The following PDE10A variants were observed in gnomAD, a reference collection of about 807,000 sequenced individuals.
PDE10A encodes phosphodiesterase 10A, also known as cAMP and cAMP-inhibited cGMP 3',5'-cyclic phosphodiesterase 10A.
PDE10A carries 39 observed loss-of-function variants against 97.7 expected under a neutral mutation model. The ratio of observed to expected loss-of-function variants is 0.40; its 90% CI spans 0.31 to 0.52. The LOEUF (loss-of-function observed/expected upper bound fraction) is 0.52, where lower values mean the gene tolerates loss of function less well. Ranked by LOEUF, PDE10A falls within the 20% of genes least tolerant of loss-of-function variation. The probability of loss-of-function intolerance (pLI) is 0.56; values close to 1 mark genes in which losing one functional copy is unlikely to be tolerated. For missense variants in PDE10A, 731 were observed against 1,047.8 expected (o/e 0.70, Z 4.17); for synonymous variants, 371 against 376.8 (o/e 0.98, Z 0.18).
At chr6:165,691,106 T>TCCCCCCCCCCCCCCTCTCTCTC (rs35264122) in intron 1 of PDE10A, among the ~76,000 whole-genome samples, 1 of 39,094 alleles carries the variant, frequency 2.6e-5, no homozygotes, top group African/African-American at 1.1e-4. Context: ...TCTTTCTCTC[T>TCCCCCCCCCCCCCCTCTCTCTC]CCCCCCCCCC....
intron 21 of PDE10A, among the ~76,000 whole-genome samples, chr6:165,333,362 G>A (rs1393500735): frequency 2.0e-5 from 3 of 152,168 alleles, no homozygotes; most frequent in African/African-American, 4.8e-5. Context: ...TCTGGACCGC[G>A]AAAGCAGCAG....
At chr6:165,628,594 T>C (rs1788492835) in intron 1 of PDE10A, among the ~76,000 whole-genome samples, 1 of 151,956 alleles carries the variant, frequency 6.6e-6, no homozygotes, top group Non-Finnish European at 1.5e-5. Context: ...TTCTCTTGCC[T>C]CAACCTCCCA....
At chr6:165,506,743 T>C (rs1481877262) in intron 2 of PDE10A, among the ~76,000 whole-genome samples, 61 of 152,148 alleles carry the variant, frequency 4.0e-4, no homozygotes, top group Admixed American at 3.9e-3. Flanking sequence ...ATAAAATGAT[T>C]CAACATATTC....
In PDE10A at chr6:165,792,614, G is replaced by A. The variant is rs1284081226; in HGVS notation, c.-615+194915C>T. ...TCCTCTCCTTGCCCCAGATTCCACCGGGTTCAGTCCTGGGTGACTCCTCCA... is the reference window on the plus strand; with the variant it reads ...TCCTCTCCTTGCCCCAGATTCCACCAGGTTCAGTCCTGGGTGACTCCTCCA... On this transcript the variant is annotated intron_variant, in intron 1 of 19. Coordinates refer to the PDE10A transcript ENST00000366882. 5.3e-5 allele frequency among the ~76,000 whole-genome samples: 8 copies of A among 152,060 alleles called. No homozygotes were observed. The South Asian group carries it at 1.2e-3, about 24-fold the overall frequency.
intron 1 of PDE10A, among the ~76,000 whole-genome samples, chr6:165,567,583 T>A (rs1186104500): frequency 1.3e-5 from 2 of 152,190 alleles, no homozygotes; most frequent in East Asian, 3.8e-4. Flanking sequence ...ACTTCTACTA[T>A]GAAACCCATT....
At chr6:165,943,222 AGAAAGAAAGAAAGAAGGAAGGAAG>A (rs1240136592) in intron 1 of PDE10A, among the ~76,000 whole-genome samples, 29 of 64,700 alleles carry the variant, frequency 4.5e-4, no homozygotes, top group South Asian at 9.6e-4. Flanking sequence ...AAAGAAAGAA[AGAAAGAAAGAAAGAAGGAAGGAAG>A]GAAGGAAGGA....
In PDE10A at chr6:165,708,796, G is replaced by A. The variant is rs562086785; in HGVS notation, c.-614-165228C>T. ...CCCCACTCTCCACCCACATGCTGCCGCGCTCTCCCCACACTCTCCACCCCC... is the reference window on the plus strand; with the variant it reads ...CCCCACTCTCCACCCACATGCTGCCACGCTCTCCCCACACTCTCCACCCCC... On this transcript the variant is annotated intron_variant, in intron 1 of 19. Coordinates refer to the PDE10A transcript ENST00000366882. Among the ~76,000 whole-genome samples the A allele has an allele frequency of 2.3e-3, 112 of 47,894 alleles. 1 individual carries two copies. Among genetic ancestry groups the A allele is most frequent in the African/African-American group, 9.3e-3 (98 of 10,544 alleles). The allele number at this position is 47,894 out of a possible 152,430, so 31.4% of individuals were successfully genotyped here.
chr6:165,902,746 T>C (rs1200963724), intron 1 of PDE10A, among the ~76,000 whole-genome samples: 1 of 152,146 alleles, frequency 6.6e-6, no homozygotes, highest in Non-Finnish European at 1.5e-5. Flanking sequence ...GGTATCAGCA[T>C]TGTTTCTGGG....
chr6:165,648,699 A>T (rs1789530145), intron 1 of PDE10A, among the ~76,000 whole-genome samples: 1 of 152,234 alleles, frequency 6.6e-6, no homozygotes, highest in Non-Finnish European at 1.5e-5. Context: ...TACAGGAAAA[A>T]AATGGACAGA....
intron 1 of PDE10A, among the ~76,000 whole-genome samples, chr6:165,744,458 T>C (rs1308300056): frequency 1.3e-5 from 2 of 152,232 alleles, no homozygotes; most frequent in Non-Finnish European, 2.9e-5. Flanking sequence ...GTTTGTATTA[T>C]TGGTGATATA....
At chr6:165,642,437 A>G (rs563441363) in intron 1 of PDE10A, among the ~76,000 whole-genome samples, 1 of 152,360 alleles carries the variant, frequency 6.6e-6, no homozygotes, top group Admixed American at 6.5e-5. Flanking sequence ...GGAGGGACAC[A>G]GCCACATTAA....
intron 3 of PDE10A, among the ~76,000 whole-genome samples, chr6:165,471,850 T>C (rs1157714432): frequency 6.6e-6 from 1 of 152,198 alleles, no homozygotes; most frequent in Non-Finnish European, 1.5e-5. Context: ...AATGAAAAAT[T>C]ATTTTAAAGC....
At chr6:165,378,329 G>A (rs486002) in intron 18 of PDE10A, among the ~76,000 whole-genome samples, 3 of 152,064 alleles carry the variant, frequency 2.0e-5, no homozygotes, top group African/African-American at 7.2e-5. Context: ...TTCAGCAAGA[G>A]TGGCAAAGAA....
At chr6:165,755,155 C>T (rs534895367) in intron 1 of PDE10A, among the ~76,000 whole-genome samples, 1 of 152,302 alleles carries the variant, frequency 6.6e-6, no homozygotes, top group South Asian at 2.1e-4. Flanking sequence ...GGAATTGGCA[C>T]CTAGCAGCCC....
intron 12 of PDE10A, among the ~76,000 whole-genome samples, chr6:165,414,900 A>AGTTG (rs1788198239): frequency 6.6e-6 from 1 of 152,204 alleles, no homozygotes; most frequent in East Asian, 1.9e-4. Flanking sequence ...GTCTCATGTC[A>AGTTG]ACTACATCTA....
At chr6:165,543,644 C>A in intron 1 of PDE10A, 76 bp from the exon 2 acceptor site, 1 of 1,190,806 alleles carries the variant, frequency 8.4e-7, no homozygotes, top group Admixed American at 2.3e-5. Context: ...TATCACAACA[C>A]ATTATGCTAA....
chr6:165,862,977 G>A (rs1780949369), intron 1 of PDE10A, among the ~76,000 whole-genome samples: 1 of 152,188 alleles, frequency 6.6e-6, no homozygotes. Flanking sequence ...ACCACACCCG[G>A]CCCAGTTGTA....
intron 5 of PDE10A, among the ~76,000 whole-genome samples, chr6:165,447,103 A>G (rs75259008): frequency 6.6e-6 from 1 of 152,298 alleles, no homozygotes; most frequent in South Asian, 2.1e-4. Flanking sequence ...AGCAAAAAAA[A>G]AAAATAAAAT....
chr6:165,472,846 A>G (rs1779092369), intron 3 of PDE10A, among the ~76,000 whole-genome samples: 1 of 152,158 alleles, frequency 6.6e-6, no homozygotes, highest in Non-Finnish European at 1.5e-5. Context: ...TTACACGTGA[A>G]AAGTTATATA....
Sources: gnomAD v4.1 joint callset for allele counts (sites outside exome capture counted in the v4.1 genomes callset) on GRCh38, gnomAD v4.1.1 for gene constraint, MANE v1.5 for transcripts, NCBI Gene and HGNC (gene_info 2026-07-23, HGNC 2026-07-21) for gene names.